INTS7: variants seen among roughly 807,000 people sequenced by gnomAD.
INTS7 encodes the protein chromosome 1 open reading frame 73.
A neutral mutation model predicts 109.2 loss-of-function variants in INTS7; 46 were observed. That is an observed-to-expected ratio of 0.42 (90% CI 0.33 to 0.54). The LOEUF (loss-of-function observed/expected upper bound fraction) is 0.54. Among genes scored for constraint, INTS7 ranks in the 20% least tolerant of loss-of-function variants. The pLI, the probability that INTS7 is intolerant of heterozygous loss-of-function variation, is 0.07. For synonymous variants in INTS7, 412 were observed against 402.9 expected, an observed-to-expected ratio of 1.02 and a Z score of -0.27; for missense variants, 929 against 1,132.4, an observed-to-expected ratio of 0.82 and a Z score of 2.58.
chr1:211,976,633 A>T lies in INTS7; in HGVS notation c.1557T>A (p.Ser519Arg). The T allele has an allele frequency of 3.1e-6, 5 of 1,614,046 alleles. No homozygotes were observed. The highest frequency in any genetic ancestry group is 4.2e-6 in the Non-Finnish European group (5 of 1,179,910). ...GGTATACAGTCCATCCATTGGAGAC[A>T]CTTTCAAGCTGCTGCTTAATTACTG... ...SKAVIKQQLE[S>R]VSNGWTVYRI... The change falls in exon 12 of 20, where the codon AGT becomes AGA. Residue 519 changes from serine (S) to arginine (R), a missense_variant. By Grantham distance (110) the Ser-to-Arg change is moderately radical. Transcript: ENST00000366994.
At chr1:212,022,511 T>C (rs1261680669) in intron 1 of INTS7, among the ~76,000 whole-genome samples, 3 of 151,018 alleles carry the variant, frequency 2.0e-5, no homozygotes, top group Non-Finnish European at 3.0e-5. Context: ...GGAAGAAATA[T>C]GTATGGCAAA....
intron 3 of INTS7, 110 bp from the exon 4 acceptor site, chr1:212,017,133 C>G (rs1571910391): frequency 1.4e-6 from 1 of 711,366 alleles, no homozygotes; most frequent in East Asian, 3.0e-5. Context: ...ATAGGTAATT[C>G]TATGTAACTC....
At chr1:211,971,612 G>T (rs1415725363) in intron 13 of INTS7, among the ~76,000 whole-genome samples, 1 of 152,042 alleles carries the variant, frequency 6.6e-6, no homozygotes, top group East Asian at 1.9e-4. Flanking sequence ...TTACAAAAAA[G>T]CATGTTGAAA....
At chr1:211,966,178 T>C (rs1663869480) in intron 16 of INTS7, 1 of 265,194 alleles carries the variant, frequency 3.8e-6, no homozygotes. Flanking sequence ...AATTATAATA[T>C]ACAAGAAGAA....
chr1:211,986,985 C>T (rs987219757), intron 8 of INTS7, among the ~76,000 whole-genome samples: 1 of 152,104 alleles, frequency 6.6e-6, no homozygotes, highest in Non-Finnish European at 1.5e-5. Context: ...ATAGAGGTTC[C>T]GCAAAACTTG....
At chr1:212,022,737 C>T (rs1558058898) in intron 1 of INTS7, among the ~76,000 whole-genome samples, 1 of 152,116 alleles carries the variant, frequency 6.6e-6, no homozygotes, top group Non-Finnish European at 1.5e-5. Flanking sequence ...TGGCTCTTTC[C>T]TTTACTTTTC....
At chr1:212,024,318 T>C (rs572179043) in intron 1 of INTS7, among the ~76,000 whole-genome samples, 3 of 152,298 alleles carry the variant, frequency 2.0e-5, no homozygotes, top group Non-Finnish European at 4.4e-5. Context: ...TTTAATGATA[T>C]TGATTCTTCC....
intron 17 of INTS7, among the ~76,000 whole-genome samples, chr1:211,951,595 C>T (rs894860534): frequency 6.6e-5 from 10 of 152,134 alleles, no homozygotes; most frequent in Admixed American, 3.3e-4. Context: ...CGTGAGCCAC[C>T]GCACCCGGCC....
At chr1:212,035,088 C>T (rs916323015) in intron 1 of INTS7, among the ~76,000 whole-genome samples, 2 of 152,152 alleles carry the variant, frequency 1.3e-5, no homozygotes, top group Non-Finnish European at 2.9e-5. Context: ...GGGACTGCTC[C>T]CTCAAGTGGT....
chr1:211,976,280 C>T (rs1362188511), intron 12 of INTS7, among the ~76,000 whole-genome samples: 3 of 152,108 alleles, frequency 2.0e-5, no homozygotes, highest in Admixed American at 1.3e-4. Flanking sequence ...AAGATAGAAA[C>T]AGCGGGTGGT....
chr1:211,993,156 G>A (rs143965064), intron 7 of INTS7, among the ~76,000 whole-genome samples: 1 of 152,316 alleles, frequency 6.6e-6, no homozygotes, highest in East Asian at 1.9e-4. Context: ...GTCAGAGACA[G>A]AATACCTCAA....
At chr1:212,001,271 T>C (rs1665661471) in intron 7 of INTS7, among the ~76,000 whole-genome samples, 1 of 151,954 alleles carries the variant, frequency 6.6e-6, no homozygotes, top group Admixed American at 6.6e-5. Context: ...TTCTCCATGT[T>C]TGTCAGCCTG....
chr1:212,008,164 A>C (rs545738166), intron 5 of INTS7, among the ~76,000 whole-genome samples: 19 of 152,310 alleles, frequency 1.2e-4, no homozygotes, highest in South Asian at 1.2e-3. Flanking sequence ...ACAGCATTTC[A>C]ACGTCCAACA....
At chr1:211,969,748 C>T (rs1196688719) in intron 13 of INTS7, among the ~76,000 whole-genome samples, 3 of 146,106 alleles carry the variant, frequency 2.1e-5, no homozygotes, top group Non-Finnish European at 4.5e-5. Context: ...GAGACAGTTT[C>T]GCTCTTGTTG....
intron 16 of INTS7, among the ~76,000 whole-genome samples, chr1:211,961,097 G>A (rs981756980): frequency 1.3e-5 from 2 of 151,534 alleles, no homozygotes; most frequent in South Asian, 2.1e-4. Context: ...TAAAGAAACC[G>A]AATCTACAAC....
chr1:211,974,641 A>G (rs1025239541), intron 13 of INTS7, among the ~76,000 whole-genome samples: 3 of 152,222 alleles, frequency 2.0e-5, no homozygotes, highest in African/African-American at 7.2e-5. Context: ...TCAAGGAAAC[A>G]TAAGGATCTC....
In INTS7 at chr1:211,941,658, GACAAAATTTTTAAGAAA is replaced by G; in HGVS notation, c.*149_*165del. 9.9e-7 allele frequency: 1 copy of G among 1,014,112 alleles called. No homozygotes were observed. The highest frequency in any genetic ancestry group is 1.4e-6 in the Non-Finnish European group (1 of 714,512). 62.8% of individuals were successfully genotyped at this position (1,014,112 alleles called of 1,614,324 possible). A position where few individuals can be genotyped will look rare whatever the true frequency, so the allele number is the denominator to read the frequency against. ...CGTGAGCAACCACGCCCAGCTGTCAGACAAAATTTTTAAGAAAACAAAATTTTTTCCAGAATATTACA... is the reference window on the plus strand; with the variant it reads ...CGTGAGCAACCACGCCCAGCTGTCAGACAAAATTTTTTCCAGAATATTACA... On this transcript the variant is annotated 3_prime_UTR_variant, in exon 20 of 20. Transcript: ENST00000366994.
intron 13 of INTS7, among the ~76,000 whole-genome samples, chr1:211,970,937 T>G (rs1664140429): frequency 6.6e-6 from 1 of 152,204 alleles, no homozygotes; most frequent in Admixed American, 6.5e-5. Flanking sequence ...AACAGGAGTA[T>G]TCTTAGCATT....
rs1662831720 is a variant in INTS7 at position 211,946,020 on chromosome 1, T to C, written c.2415+587A>G. Among the ~76,000 whole-genome samples the C allele has an allele frequency of 6.6e-6, 1 of 152,224 alleles. No homozygotes were observed. The highest frequency in any genetic ancestry group is 6.5e-5 in the Admixed American group (1 of 15,280). On this transcript the variant is annotated intron_variant, in intron 18 of 19. Transcript: ENST00000366994. The surrounding 1 kb of genome is among the most constrained non-coding windows in gnomAD (Gnocchi z 4.3). ...GCAGGCTACTGTGATAAATCACTAATTTATTCCTGGAGGTGAGAGACAAAC... is the reference window on the plus strand; with the variant it reads ...GCAGGCTACTGTGATAAATCACTAACTTATTCCTGGAGGTGAGAGACAAAC...
Sources: gnomAD v4.1 joint callset for allele counts (sites outside exome capture counted in the v4.1 genomes callset) on GRCh38, gnomAD v4.1.1 for gene constraint, Gnocchi (gnomAD v3.1) non-coding constraint, MANE v1.5 for transcripts, NCBI Gene and HGNC (gene_info 2026-07-23, HGNC 2026-07-21) for gene names.